The following CTNNA3 variants were observed in gnomAD, a reference collection of about 807,000 sequenced individuals.
The protein encoded by CTNNA3 is catenin alpha-3.
In CTNNA3, 76 loss-of-function variants were observed where a neutral mutation model predicts 95.7. The observed-to-expected ratio is 0.79, with a 90% CI of 0.66 to 0.96. The LOEUF (loss-of-function observed/expected upper bound fraction) is 0.96. CTNNA3 is among the 40% of genes least tolerant of loss of function. The pLI is 0.00. For synonymous variants in CTNNA3, 431 were observed against 374.4 expected, an observed-to-expected ratio of 1.15 and a Z score of -1.74; for missense variants, 1,191 against 1,089.8, an observed-to-expected ratio of 1.09 and a Z score of -1.31.
At chr10:66,586,893 T>C (rs1158069657) in intron 10 of CTNNA3, among the ~76,000 whole-genome samples, 2 of 152,130 alleles carry the variant, frequency 1.3e-5, no homozygotes, top group Admixed American at 6.6e-5. Context: ...GGTTCACTAC[T>C]CTTTCCCCAA....
rs543664024 is a variant in CTNNA3 at position 66,340,777 on chromosome 10, A to G, written c.1732+38375T>C. ...AGAGATATACGGATGAGATATTCTTACCCCTGTTTAATAGATAAATAAAAT... is the reference window on the plus strand; with the variant it reads ...AGAGATATACGGATGAGATATTCTTGCCCCTGTTTAATAGATAAATAAAAT... On this transcript the variant is annotated intron_variant, in intron 12 of 17. Transcript: ENST00000433211. 2.0e-5 allele frequency among the ~76,000 whole-genome samples: 3 copies of G among 151,828 alleles called. No individual in the cohort carries two copies. The South Asian group carries it at 6.2e-4, about 31-fold the overall frequency.
In CTNNA3 at chr10:65,912,622, G is replaced by A. The variant is rs2133083462; in HGVS notation, c.*7708C>T. The A allele has an allele frequency of 1.3e-5, 2 of 152,052 alleles. No individual in the cohort carries two copies. The highest frequency in any genetic ancestry group is 4.1e-4 in the South Asian group (2 of 4,820). 9.4% of individuals were successfully genotyped at this position (152,052 alleles called of 1,614,324 possible). On this transcript the variant is annotated 3_prime_UTR_variant, in exon 18 of 18. Transcript: ENST00000433211. ...TACAGAGTGACATGAGTTGAAATTA[G>A]AATAAAGTAAAATAATACTATATAA...
chr10:66,755,531 A>C (rs1032542256), intron 9 of CTNNA3, among the ~76,000 whole-genome samples: 12 of 152,280 alleles, frequency 7.9e-5, no homozygotes, highest in Non-Finnish European at 1.3e-4. Context: ...ATAATATTAC[A>C]TACATATTAA....
At chr10:66,537,477 A>T (rs1324168902) in intron 10 of CTNNA3, among the ~76,000 whole-genome samples, 2 of 151,990 alleles carry the variant, frequency 1.3e-5, no homozygotes, top group Non-Finnish European at 2.9e-5. Flanking sequence ...TTTATGTGAG[A>T]TAAACTCAAG....
At chr10:67,743,421 T>C (rs941719150) in intron 1 of CTNNA3, among the ~76,000 whole-genome samples, 1 of 151,314 alleles carries the variant, frequency 6.6e-6, no homozygotes, top group Admixed American at 6.6e-5. Context: ...TCTCAATAGA[T>C]GCAGAAAAGG....
At chr10:66,496,753 C>A (rs1840112306) in intron 11 of CTNNA3, among the ~76,000 whole-genome samples, 1 of 152,146 alleles carries the variant, frequency 6.6e-6, no homozygotes, top group Admixed American at 6.5e-5. Context: ...GTACTGGATA[C>A]AAGGTATTGT....
intron 5 of CTNNA3, among the ~76,000 whole-genome samples, chr10:67,468,483 A>G (rs1187076441): frequency 6.6e-6 from 1 of 152,236 alleles, no homozygotes; most frequent in Non-Finnish European, 1.5e-5. Flanking sequence ...GAGTGTCAGT[A>G]TAGAAGTCTT....
chr10:67,097,767 A>G (rs371233385), intron 7 of CTNNA3: 4 of 1,612,434 alleles, frequency 2.5e-6, no homozygotes, highest in Non-Finnish European at 2.5e-6. Context: ...AGCTGGCCGA[A>G]TCAGTGACCA....
At position 65,914,278 on chromosome 10, in the gene CTNNA3, A is replaced by G. The variant is rs1396037939; in HGVS notation, c.*6052T>C. Reference sequence around the variant, plus strand: ...GCACCATCATGACTACCAGATACATAAAAGTGAAGATCCCCAATATACACA... The same window carrying G: ...GCACCATCATGACTACCAGATACATGAAAGTGAAGATCCCCAATATACACA... On this transcript the variant is annotated 3_prime_UTR_variant, in exon 18 of 18. Transcript: ENST00000433211. 1 of 152,110 alleles carries G rather than the reference A, an allele frequency of 6.6e-6. No homozygotes were observed. Among genetic ancestry groups the G allele is most frequent in the Non-Finnish European group, 1.5e-5 (1 of 68,008 alleles). 9.4% of individuals were successfully genotyped at this position (152,110 alleles called of 1,614,324 possible). A position where few individuals can be genotyped will look rare whatever the true frequency, so the allele number is the denominator to read the frequency against.
intron 7 of CTNNA3, among the ~76,000 whole-genome samples, chr10:67,015,115 T>C (rs531055928): frequency 6.2e-4 from 95 of 152,268 alleles, no homozygotes; most frequent in African/African-American, 2.2e-3. Context: ...GTAGTAGCTA[T>C]TAACCCCATG....
At chr10:66,692,757 A>G (rs1402351465) in intron 9 of CTNNA3, among the ~76,000 whole-genome samples, 1 of 152,190 alleles carries the variant, frequency 6.6e-6, no homozygotes, top group African/African-American at 2.4e-5. Flanking sequence ...GACTAACAGC[A>G]GATCTCTTGG....
rs143211310 is a variant in CTNNA3, at chr10:66,616,401, C to T, written c.1374+5291G>A. On this transcript the variant is annotated intron_variant, in intron 10 of 17. Transcript: ENST00000433211. ...ATCTGCTCATAGGTTGTATTTTGCC[C>T]CTCGGGGCCCTTCAGAACAAGTCAT... Among the ~76,000 whole-genome samples, 243 of 152,124 alleles carry T rather than the reference C, an allele frequency of 1.6e-3. 6 individuals carry two copies. The East Asian group carries it at 0.041, about 26-fold the overall frequency.
chr10:66,388,143 CT>C (rs1037048578), intron 11 of CTNNA3, among the ~76,000 whole-genome samples: 21 of 151,906 alleles, frequency 1.4e-4, no homozygotes. Context: ...GGCAAGGTTT[CT>C]TTTTTTAAAA....
At chr10:66,257,553 A>C (rs2090837955) in intron 13 of CTNNA3, among the ~76,000 whole-genome samples, 1 of 152,200 alleles carries the variant, frequency 6.6e-6, no homozygotes, top group African/African-American at 2.4e-5. Context: ...CAGAAACTCA[A>C]ACTCTAAAAC....
chr10:67,314,062 A>G (rs1840940015), intron 5 of CTNNA3, among the ~76,000 whole-genome samples: 1 of 152,220 alleles, frequency 6.6e-6, no homozygotes, highest in Non-Finnish European at 1.5e-5. Context: ...CACTTTTAAG[A>G]TAAACAGCAA....
At chr10:65,988,394 C>G (rs966400246) in intron 16 of CTNNA3, among the ~76,000 whole-genome samples, 5 of 151,922 alleles carry the variant, frequency 3.3e-5, no homozygotes, top group African/African-American at 1.2e-4. Context: ...TCAACAACAA[C>G]AAAACTCGGT....
chr10:66,011,278 A>T (rs1014071793), intron 15 of CTNNA3, among the ~76,000 whole-genome samples: 1 of 151,622 alleles, frequency 6.6e-6, no homozygotes, highest in South Asian at 2.1e-4. Context: ...CTCATCTTGT[A>T]TATTTTATCT....
chr10:66,923,847 G>C (rs1193684464), intron 7 of CTNNA3, among the ~76,000 whole-genome samples: 2 of 152,088 alleles, frequency 1.3e-5, no homozygotes, highest in East Asian at 1.9e-4. Context: ...TATATCCATT[G>C]TACTTGTGAC....
intron 7 of CTNNA3, among the ~76,000 whole-genome samples, chr10:66,977,772 G>T (rs1034690656): frequency 6.6e-6 from 1 of 152,154 alleles, no homozygotes; most frequent in Non-Finnish European, 1.5e-5. Context: ...TCTGAGTTGG[G>T]TGGATAGTTT....
Sources: gnomAD v4.1 joint callset for allele counts (sites outside exome capture counted in the v4.1 genomes callset) on GRCh38, gnomAD v4.1.1 for gene constraint, MANE v1.5 for transcripts, NCBI Gene and HGNC (gene_info 2026-07-23, HGNC 2026-07-21) for gene names.